TYW1B: variants seen among roughly 807,000 people sequenced by gnomAD.
TYW1B encodes tRNA-yW synthesizing protein 1 homolog B, also known as S-adenosyl-L-methionine-dependent tRNA 4-demethylwyosine synthase TYW1B.
Under a neutral mutation model 86.9 loss-of-function variants are expected in TYW1B, and 73 were observed. The observed-to-expected ratio is 0.84, with a 90% CI of 0.70 to 1.02. The LOEUF (loss-of-function observed/expected upper bound fraction) is 1.02. Ranked by LOEUF, TYW1B falls within the 50% of genes least tolerant of loss-of-function variation. The pLI is 0.00. For missense variants in TYW1B, 637 were observed against 827.4 expected, an observed-to-expected ratio of 0.77 and a Z score of 2.82; for synonymous variants, 248 against 292.8, an observed-to-expected ratio of 0.85 and a Z score of 1.56.
chr7:72,790,391 C>T (rs1426833727), intron 6 of TYW1B, among the ~76,000 whole-genome samples: 2 of 152,122 alleles, frequency 1.3e-5, no homozygotes, highest in Non-Finnish European at 2.9e-5. Context: ...CTGAGCCCTA[C>T]CACAGAGGCA....
intron 7 of TYW1B, among the ~76,000 whole-genome samples, chr7:72,769,678 A>G (rs1205129136): frequency 6.6e-6 from 1 of 152,230 alleles, no homozygotes; most frequent in Non-Finnish European, 1.5e-5. Context: ...CACAACATAT[A>G]AAGAACTTCT....
At chr7:72,757,432 A>T (rs79151473) in intron 7 of TYW1B, among the ~76,000 whole-genome samples, 3 of 150,444 alleles carry the variant, frequency 2.0e-5, no homozygotes, top group Non-Finnish European at 4.4e-5. Context: ...TCTTGGCTAT[A>T]AAAAAAAACA....
chr7:72,669,212 T>A (rs1285166729), intron 11 of TYW1B, among the ~76,000 whole-genome samples: 2 of 145,006 alleles, frequency 1.4e-5, no homozygotes, highest in Non-Finnish European at 3.0e-5. Context: ...TGGCGCTATC[T>A]CGGCTCATTC....
At chr7:72,749,654 G>C (rs957605650) in intron 7 of TYW1B, among the ~76,000 whole-genome samples, 1 of 149,370 alleles carries the variant, frequency 6.7e-6, no homozygotes, top group Non-Finnish European at 1.5e-5. Flanking sequence ...CTAGCTTTTT[G>C]TTTTATAGTG....
chr7:72,754,181 C>T (rs1373576616), intron 7 of TYW1B, among the ~76,000 whole-genome samples: 1 of 152,096 alleles, frequency 6.6e-6, no homozygotes, highest in Non-Finnish European at 1.5e-5. Flanking sequence ...GCTCTGTTGC[C>T]CAGGCTGGAG....
At chr7:72,681,997 C>A (rs550343910) in intron 11 of TYW1B, among the ~76,000 whole-genome samples, 7 of 151,968 alleles carry the variant, frequency 4.6e-5, no homozygotes, top group Admixed American at 4.6e-4. Flanking sequence ...CCTGCCTCAG[C>A]CTCCCGAGTA....
At chr7:72,737,663 C>T (rs1787219237) in intron 8 of TYW1B, among the ~76,000 whole-genome samples, 1 of 152,184 alleles carries the variant, frequency 6.6e-6, no homozygotes, top group Non-Finnish European at 1.5e-5. Context: ...GATCCCAATA[C>T]TTCAGTCTAC....
chr7:72,701,619 GT>G (rs1399304105), intron 10 of TYW1B, among the ~76,000 whole-genome samples: 8 of 151,950 alleles, frequency 5.3e-5, no homozygotes, highest in African/African-American at 1.9e-4. Context: ...CTCAACCCAG[GT>G]TTGTTTGGTT....
At chr7:72,725,777 A>G (rs1164702926) in intron 9 of TYW1B, among the ~76,000 whole-genome samples, 1 of 152,136 alleles carries the variant, frequency 6.6e-6, no homozygotes, top group African/African-American at 2.4e-5. Context: ...CTGCCAGTCA[A>G]CTCAAGAGAT....
At position 72,704,904 on chromosome 7, in the gene TYW1B, T is replaced by G. The variant is rs1181386150; in HGVS notation, c.1370+8717A>C. 2.6e-5 allele frequency among the ~76,000 whole-genome samples: 4 copies of G among 152,104 alleles called. No homozygotes were observed. In the South Asian group the frequency reaches 8.3e-4, roughly 32 times the overall value. ...CTCTCTGCACTTTCTCTCTCTCTCTTTAGCCCATCCAGACATGCATGTTTC... is the reference window on the plus strand; with the variant it reads ...CTCTCTGCACTTTCTCTCTCTCTCTGTAGCCCATCCAGACATGCATGTTTC... On this transcript the variant is annotated intron_variant, in intron 10 of 13. Transcript: ENST00000620995.
chr7:72,687,506 G>A (rs1162330658), intron 11 of TYW1B, among the ~76,000 whole-genome samples: 1 of 152,086 alleles, frequency 6.6e-6, no homozygotes, highest in African/African-American at 2.4e-5. Context: ...ATCTGGACTT[G>A]TATTCAGAAC....
intron 12 of TYW1B, among the ~76,000 whole-genome samples, chr7:72,627,445 C>T (rs1219249276): frequency 4.8e-5 from 7 of 146,528 alleles, no homozygotes; most frequent in Admixed American, 4.2e-4. Flanking sequence ...GAGACTTCAT[C>T]TCAAAAAACA....
rs2844051 is a variant in TYW1B, at chr7:72,705,422, T to C, written c.1370+8199A>G. 9.4e-3 allele frequency among the ~76,000 whole-genome samples: 1,432 copies of C among 152,206 alleles called. 24 individuals are homozygous for C. The highest frequency in any genetic ancestry group is 0.03 in the African/African-American group (1,250 of 41,510). ...CAATGAAAAGGTGTTCGAAAGTAAA[T>C]GTACACAGGGATGAAATTTGGGAGC... is the stretch of plus-strand genomic sequence containing the variant. On this transcript the variant is annotated intron_variant, in intron 10 of 13. Coordinates refer to ENST00000620995, the MANE Select transcript of TYW1B (RefSeq NM_001145440.3).
intron 8 of TYW1B, among the ~76,000 whole-genome samples, chr7:72,731,125 G>GGAA (rs1787098615): frequency 1.4e-5 from 1 of 71,160 alleles, no homozygotes; most frequent in African/African-American, 5.4e-5. Context: ...CTAAGGGCTG[G>GGAA]AAAAAAAAAA....
intron 13 of TYW1B, among the ~76,000 whole-genome samples, chr7:72,584,636 AGTAGAGAT>A (rs1554430215): frequency 1.3e-5 from 2 of 152,080 alleles, no homozygotes; most frequent in African/African-American, 4.8e-5. Flanking sequence ...TTGCATTTTT[AGTAGAGAT>A]GGGGTTTCGC....
intron 13 of TYW1B, among the ~76,000 whole-genome samples, chr7:72,592,421 G>T (rs1554431687): frequency 1.3e-5 from 2 of 152,094 alleles, no homozygotes; most frequent in African/African-American, 4.8e-5. Flanking sequence ...GAAATGAAAA[G>T]GTAATTTAAA....
At chr7:72,654,652 G>A (rs373705134) in intron 11 of TYW1B, among the ~76,000 whole-genome samples, 2 of 152,184 alleles carry the variant, frequency 1.3e-5, no homozygotes, top group Non-Finnish European at 2.9e-5. Context: ...AGGTTGAGGC[G>A]AGTGGATCAC....
Position 72,814,363 on chromosome 7 carries a change from T to C in TYW1B, c.237+1017A>G, listed in dbSNP as rs188912192. ...ACTTTGGGAGGCCGAGGCGGGCGGATCACGAGGTCAGGAGATCGAGACCAT... is the reference window on the plus strand; with the variant it reads ...ACTTTGGGAGGCCGAGGCGGGCGGACCACGAGGTCAGGAGATCGAGACCAT... On this transcript the variant is annotated intron_variant, in intron 3 of 13. Coordinates refer to ENST00000620995, the MANE Select transcript of TYW1B (RefSeq NM_001145440.3). Among the ~76,000 whole-genome samples the C allele has an allele frequency of 1.6e-4, 24 of 151,974 alleles. No homozygotes were observed. In the East Asian group the frequency reaches 4.7e-3, roughly 30 times the overall value.
chr7:72,632,133 C>T (rs1388300933), intron 11 of TYW1B, among the ~76,000 whole-genome samples: 5 of 150,440 alleles, frequency 3.3e-5, no homozygotes, highest in African/African-American at 9.8e-5. Context: ...CCCATCACTA[C>T]AAAAAATACA....
Sources: allele counts gnomAD v4.1 joint callset (sites outside exome capture counted in the v4.1 genomes callset), GRCh38; gene constraint gnomAD v4.1.1; transcripts MANE v1.5; gene names NCBI Gene and HGNC (gene_info 2026-07-23, HGNC 2026-07-21).